The following XIRP2 variants were observed in gnomAD, a reference collection of about 807,000 sequenced individuals.
XIRP2 encodes xin actin binding repeat containing 2, also known as xin actin-binding repeat-containing protein 2.
XIRP2 carries 236 observed loss-of-function variants against 277.0 expected under a neutral mutation model. The observed-to-expected ratio is 0.85, with a 90% CI of 0.77 to 0.95. XIRP2 has a LOEUF of 0.95. XIRP2 is among the 40% of genes least tolerant of loss of function. XIRP2 has a pLI of 0.00. For missense variants in XIRP2, 4,640 were observed against 4,157.5 expected (o/e 1.12, Z -3.19); for synonymous variants, 1,490 against 1,416.5 (o/e 1.05, Z -1.17).
At chr2:167,133,625 A>G (rs1423447048) in intron 2 of XIRP2, among the ~76,000 whole-genome samples, 1 of 152,236 alleles carries the variant, frequency 6.6e-6, no homozygotes, top group South Asian at 2.1e-4. Context: ...CATGTTCAGT[A>G]TTCCACCTTT....
At position 167,251,072 on chromosome 2, in the gene XIRP2, T is replaced by G. The variant is rs549729979; in HGVS notation, c.9680T>G (p.Ile3227Arg). ...SPATLRRQIKIETRGRDSPPT... is the reference protein window; with the variant it reads ...SPATLRRQIKRETRGRDSPPT... Reference sequence around the variant, plus strand: ...GCAACACTTCGTCGTCAAATTAAGATAGAAACTCGTGGTAGGGACTCTCCA... The same window carrying G: ...GCAACACTTCGTCGTCAAATTAAGAGAGAAACTCGTGGTAGGGACTCTCCA... The change falls in exon 9 of 11, where the codon ATA becomes AGA. Residue 3227 changes from isoleucine (I) to arginine (R), a missense_variant. By Grantham distance (97) the Ile-to-Arg change is moderately conservative. Transcript: ENST00000409195. 58 of 1,613,628 alleles carry G rather than the reference T, an allele frequency of 3.6e-5. No homozygotes were observed. Among genetic ancestry groups the G allele is most frequent in the Non-Finnish European group, 4.7e-5 (55 of 1,179,748 alleles).
intron 2 of XIRP2, among the ~76,000 whole-genome samples, chr2:166,986,900 T>C (rs1284743562): frequency 6.6e-6 from 1 of 152,206 alleles, no homozygotes; most frequent in Non-Finnish European, 1.5e-5. Flanking sequence ...CTAGGCTTAG[T>C]TTTATGCATT....
At chr2:167,008,066 GCAGGCTCCATGAAGC>G (rs1049358981) in intron 2 of XIRP2, among the ~76,000 whole-genome samples, 13 of 151,584 alleles carry the variant, frequency 8.6e-5, no homozygotes, top group African/African-American at 1.9e-4. Flanking sequence ...TGCAAAAGCT[GCAGGCTCCATGAAGC>G]CAGGAGCCAT....
intron 2 of XIRP2, among the ~76,000 whole-genome samples, chr2:166,946,618 T>C (rs1232381842): frequency 1.3e-5 from 2 of 152,106 alleles, no homozygotes; most frequent in Non-Finnish European, 2.9e-5. Flanking sequence ...TTAATAAATA[T>C]AGACACTCAT....
intron 2 of XIRP2, among the ~76,000 whole-genome samples, chr2:167,125,136 C>T (rs991702469): frequency 2.6e-5 from 4 of 152,224 alleles, no homozygotes; most frequent in Non-Finnish European, 5.9e-5. Flanking sequence ...GATGTTGTGA[C>T]GATCATTATA....
chr2:167,028,771 C>A (rs1410423187), intron 2 of XIRP2, among the ~76,000 whole-genome samples: 2 of 151,530 alleles, frequency 1.3e-5, no homozygotes, highest in African/African-American at 4.8e-5. Context: ...ACCTTTCAGA[C>A]AAAGAATTCA....
At chr2:166,963,734 T>G (rs1417244093) in intron 2 of XIRP2, among the ~76,000 whole-genome samples, 1 of 151,800 alleles carries the variant, frequency 6.6e-6, no homozygotes, top group Non-Finnish European at 1.5e-5. Context: ...AGAAGAGCAC[T>G]CATAGCATGG....
chr2:166,901,094 G>C (rs1684378664), intron 1 of XIRP2, among the ~76,000 whole-genome samples: 1 of 152,098 alleles, frequency 6.6e-6, no homozygotes, highest in Non-Finnish European at 1.5e-5. Context: ...TGTTTGCCTG[G>C]AGTATGGTAC....
intron 2 of XIRP2, among the ~76,000 whole-genome samples, chr2:167,068,390 T>TA (rs1319131540): frequency 1.3e-5 from 2 of 152,218 alleles, no homozygotes; most frequent in East Asian, 3.8e-4. Context: ...GTATATCTGT[T>TA]ACAATTGTTT....
intron 1 of XIRP2, among the ~76,000 whole-genome samples, chr2:166,899,084 T>G (rs1303737085): frequency 2.6e-5 from 4 of 152,164 alleles, no homozygotes. Flanking sequence ...GTTTCTCTCT[T>G]TCATTTTTCA....
intron 2 of XIRP2, among the ~76,000 whole-genome samples, chr2:167,036,907 T>C (rs1217728069): frequency 6.6e-6 from 1 of 152,152 alleles, no homozygotes; most frequent in Non-Finnish European, 1.5e-5. Flanking sequence ...TATCAGGGGT[T>C]TCCACTTTTG....
intron 2 of XIRP2, among the ~76,000 whole-genome samples, chr2:167,088,324 C>T (rs1690025470): frequency 6.6e-6 from 1 of 152,084 alleles, no homozygotes; most frequent in Non-Finnish European, 1.5e-5. Flanking sequence ...ACTTGAGCCT[C>T]ACATTCTCCA....
chr2:167,164,743 T>A (rs1479992266), intron 3 of XIRP2, among the ~76,000 whole-genome samples: 1 of 152,146 alleles, frequency 6.6e-6, no homozygotes, highest in East Asian at 1.9e-4. Context: ...TTAATCAATT[T>A]TAGGTTCACA....
intron 1 of XIRP2, among the ~76,000 whole-genome samples, chr2:166,898,772 C>A (rs1684306891): frequency 6.6e-6 from 1 of 152,056 alleles, no homozygotes; most frequent in African/African-American, 2.4e-5. Context: ...GTGAAGCCCA[C>A]CCCAACACGT....
Position 167,135,924 on chromosome 2 carries a change from C to T in XIRP2, c.424C>T (p.Arg142Ter), listed in dbSNP as rs755548536. ...CTTGTAACAGGAAGTGGAAATTGAG[C>T]GAAGTTTGTGCTCGCCAGCTTTTAA... Reference protein sequence around the residue: ...EYGGKEVEIERSLCSPAFKSH... With the variant: ...EYGGKEVEIE The change falls in exon 3 of 11, where the codon CGA becomes TGA. Residue 142 changes from arginine (R) to a stop codon, truncating the protein, a stop_gained. Transcript: ENST00000409195. LOFTEE classifies it high-confidence loss of function. The T allele has an allele frequency of 1.3e-4, 208 of 1,599,442 alleles. 1 individual carries two copies. In the South Asian group the frequency reaches 2.0e-3, roughly 15 times the overall value.
chr2:167,051,080 A>T (rs1688901460), intron 2 of XIRP2, among the ~76,000 whole-genome samples: 1 of 152,040 alleles, frequency 6.6e-6, no homozygotes, highest in Non-Finnish European at 1.5e-5. Flanking sequence ...TTTTGTAGCC[A>T]TATTCCATAC....
At chr2:167,155,968 G>T (rs1250981233) in intron 3 of XIRP2, among the ~76,000 whole-genome samples, 1 of 149,910 alleles carries the variant, frequency 6.7e-6, no homozygotes, top group African/African-American at 2.5e-5. Flanking sequence ...CAAACAGAGA[G>T]CCAAATCATG....
chr2:167,086,164 C>T (rs1263127197), intron 2 of XIRP2, among the ~76,000 whole-genome samples: 1 of 151,904 alleles, frequency 6.6e-6, no homozygotes, highest in African/African-American at 2.4e-5. Context: ...TCAGCATTTG[C>T]TTGTCTGTAA....
chr2:167,136,267 A>G (rs1338344157), intron 3 of XIRP2, among the ~76,000 whole-genome samples: 1 of 152,186 alleles, frequency 6.6e-6, no homozygotes, highest in Non-Finnish European at 1.5e-5. Context: ...TTTTAAAACT[A>G]AATAGAATAT....
Sources: allele counts gnomAD v4.1 joint callset (sites outside exome capture counted in the v4.1 genomes callset), GRCh38; gene constraint gnomAD v4.1.1; transcripts MANE v1.5; gene names NCBI Gene and HGNC (gene_info 2026-07-23, HGNC 2026-07-21).